Variants in BANK1 observed in about 807,000 individuals in gnomAD.
The protein encoded by BANK1 is B cell scaffold protein with ankyrin repeats 1.
BANK1 carries 95 observed loss-of-function variants against 94.5 expected under a neutral mutation model. The observed-to-expected ratio is 1.00, with a 90% CI of 0.85 to 1.19. The LOEUF is 1.19. BANK1 is among the 50% of genes most tolerant of loss of function. BANK1 has a pLI of 0.00. For missense variants in BANK1, 987 were observed against 932.2 expected (o/e 1.06, Z -0.77); for synonymous variants, 334 against 308.4 (o/e 1.08, Z -0.87).
intron 7 of BANK1, among the ~76,000 whole-genome samples, chr4:102,008,689 A>G (rs957953433): frequency 2.6e-5 from 4 of 152,226 alleles, no homozygotes; most frequent in Non-Finnish European, 4.4e-5. Flanking sequence ...TGTGAAACTT[A>G]TATTTTCTTA....
At chr4:101,863,402 A>G (rs1727954801) in intron 4 of BANK1, among the ~76,000 whole-genome samples, 1 of 152,086 alleles carries the variant, frequency 6.6e-6, no homozygotes, top group Admixed American at 6.5e-5. Flanking sequence ...AACCTCATAA[A>G]TGTGAACTTT....
intron 7 of BANK1, among the ~76,000 whole-genome samples, chr4:101,935,151 T>C (rs1723486476): frequency 6.6e-6 from 1 of 151,566 alleles, no homozygotes; most frequent in Admixed American, 6.6e-5. Context: ...ACAGGGATCT[T>C]TGTTTTGTTT....
At chr4:102,060,513 G>T in intron 12 of BANK1, 124 bp downstream of exon 12, 1 of 1,009,840 alleles carries the variant, frequency 9.9e-7, no homozygotes, top group Non-Finnish European at 1.4e-6. Flanking sequence ...CACTAAGGAA[G>T]ATACTTCAAG....
intron 9 of BANK1, among the ~76,000 whole-genome samples, chr4:102,029,148 C>T (rs1727198372): frequency 6.6e-6 from 1 of 152,170 alleles, no homozygotes; most frequent in African/African-American, 2.4e-5. Flanking sequence ...CTTACCTCAG[C>T]CTCCCAAAGC....
chr4:102,043,660 A>T (rs981112531), intron 10 of BANK1, among the ~76,000 whole-genome samples, 179 bp from the exon 11 acceptor site: 1 of 152,064 alleles, frequency 6.6e-6, no homozygotes, highest in Non-Finnish European at 1.5e-5. Flanking sequence ...GAAATGACTG[A>T]TAAGCTGCAC....
intron 2 of BANK1, among the ~76,000 whole-genome samples, chr4:101,850,887 C>T (rs982038959): frequency 3.3e-5 from 5 of 152,118 alleles, no homozygotes; most frequent in African/African-American, 4.8e-5. Context: ...ATTCTGACTG[C>T]TTCACTGACT....
chr4:102,049,562 G>A (rs1727981955), intron 11 of BANK1, among the ~76,000 whole-genome samples: 1 of 152,168 alleles, frequency 6.6e-6, no homozygotes, highest in South Asian at 2.1e-4. Flanking sequence ...GTGTGTTGTT[G>A]CTCTCACTCT....
At position 102,030,177 on chromosome 4, in the gene BANK1, G is replaced by T. The variant is rs745334771; in HGVS notation, c.1812G>T (p.Arg604=). ...NLSIKKKTGS[R]SFIINRPPAP... ...GTATAAAGAAAAAAACTGGGAGTCGGTCTTTCATTATAAATAGACCTCCTG... is the reference window on the plus strand; with the variant it reads ...GTATAAAGAAAAAAACTGGGAGTCGTTCTTTCATTATAAATAGACCTCCTG... Residue 604 remains arginine, a synonymous_variant, in exon 10 of 17, where the codon CGG becomes CGT. Transcript: ENST00000322953. 2.5e-6 allele frequency: 4 copies of T among 1,614,028 alleles called. No homozygotes were observed. The highest frequency in any genetic ancestry group is 2.5e-6 in the Non-Finnish European group (3 of 1,179,972).
intron 5 of BANK1, among the ~76,000 whole-genome samples, chr4:101,890,553 A>G (rs115151012): frequency 0.012 from 1,793 of 149,062 alleles, 40 homozygotes; most frequent in African/African-American, 0.041. Context: ...TTTACTTATT[A>G]TAAATATTAT....
At chr4:101,857,606 C>G (rs892299810) in intron 3 of BANK1, among the ~76,000 whole-genome samples, 13 of 152,202 alleles carry the variant, frequency 8.5e-5, no homozygotes, top group African/African-American at 3.1e-4. Context: ...TGCCTTGTCA[C>G]TCTTCCTAGC....
At position 101,830,095 on chromosome 4, in the gene BANK1, A is replaced by G. The variant is rs772486940; in HGVS notation, c.358A>G (p.Ser120Gly). 6.2e-7 allele frequency: 1 copy of G among 1,613,834 alleles called. No homozygotes were observed. Among genetic ancestry groups the G allele is most frequent in the Non-Finnish European group, 8.5e-7 (1 of 1,179,882 alleles). Reference protein sequence around the residue: ...SVVTLLCGVKSSDQLYELLNI... With the variant: ...SVVTLLCGVKGSDQLYELLNI... The stretch of plus-strand genomic sequence containing the variant: ...AGTTACTTTGCTTTGTGGAGTGAAG[A>G]GTTCAGATCAGCTCTATGAATTACT... Residue 120 changes from serine to glycine, a missense_variant, in exon 2 of 17, where the codon AGT (serine) becomes GGT (glycine). Coordinates refer to ENST00000322953, the MANE Select transcript of BANK1 (RefSeq NM_017935.5).
intron 7 of BANK1, among the ~76,000 whole-genome samples, chr4:102,002,092 G>A (rs1176027628): frequency 6.6e-6 from 1 of 152,192 alleles, no homozygotes; most frequent in Non-Finnish European, 1.5e-5. Flanking sequence ...GGCAGTGCCT[G>A]CAGCACCCAA....
intron 7 of BANK1, among the ~76,000 whole-genome samples, chr4:101,962,164 T>C (rs1724592158): frequency 6.6e-6 from 1 of 152,160 alleles, no homozygotes; most frequent in Non-Finnish European, 1.5e-5. Flanking sequence ...TCAATAACTC[T>C]ATGTCAATCA....
At chr4:101,892,264 T>G (rs1421976847) in intron 5 of BANK1, among the ~76,000 whole-genome samples, 1 of 151,226 alleles carries the variant, frequency 6.6e-6, no homozygotes, top group Non-Finnish European at 1.5e-5. Context: ...CAGAAATAAG[T>G]GTAAATTTAT....
At chr4:101,962,176 C>T (rs1312741197) in intron 7 of BANK1, among the ~76,000 whole-genome samples, 2 of 152,240 alleles carry the variant, frequency 1.3e-5, no homozygotes, top group East Asian at 1.9e-4. Context: ...TGTCAATCAC[C>T]TTTGCTCAGA....
intron 1 of BANK1, among the ~76,000 whole-genome samples, chr4:101,818,771 C>A (rs13107572): frequency 0.3 from 45,591 of 151,516 alleles, 6,907 homozygotes; most frequent in African/African-American, 0.34. Context: ...ACATTTATAG[C>A]AAAAAAGCTT....
chr4:101,828,383 T>TTATTTATATATATATATATA (rs1360582658), intron 1 of BANK1, among the ~76,000 whole-genome samples: 8 of 142,126 alleles, frequency 5.6e-5, no homozygotes, highest in African/African-American at 2.0e-4. Flanking sequence ...ATGAGTGAAT[T>TTATTTATATATATATATATA]TATATATATA....
rs140170989 is a variant in BANK1, at chr4:101,873,513, T to A, written c.903+2869T>A. 4.1e-3 allele frequency among the ~76,000 whole-genome samples: 622 copies of A among 152,266 alleles called. 4 individuals are homozygous for A. The highest frequency in any genetic ancestry group is 0.014 in the African/African-American group (562 of 41,556). On this transcript the variant is annotated intron_variant, in intron 5 of 16. Transcript: ENST00000322953. ...AATAAGAGACCTTGTATTATCATTT[T>A]AAAAAAACTGCGCATATAGCAAAAT...
At chr4:101,923,244 T>C (rs1723055491) in intron 7 of BANK1, among the ~76,000 whole-genome samples, 1 of 151,872 alleles carries the variant, frequency 6.6e-6, no homozygotes, top group African/African-American at 2.4e-5. Context: ...TTCTCTTTTC[T>C]TGCATCATTA....
Sources: allele counts gnomAD v4.1 joint callset (sites outside exome capture counted in the v4.1 genomes callset), GRCh38; gene constraint gnomAD v4.1.1; transcripts MANE v1.5; gene names NCBI Gene and HGNC (gene_info 2026-07-23, HGNC 2026-07-21).